Variants in RND3 observed in about 807,000 individuals in gnomAD.
RND3 encodes the protein rho-related GTP-binding protein RhoE.
A neutral mutation model predicts 26.5 loss-of-function variants in RND3; 8 were observed. The ratio of observed to expected loss-of-function variants is 0.30; its 90% CI spans 0.18 to 0.54. The LOEUF is 0.54. RND3 is among the 20% of genes least tolerant of loss of function. The probability of loss-of-function intolerance (pLI) is 0.94; values close to 1 mark genes in which losing one functional copy is unlikely to be tolerated. For synonymous variants in RND3, 113 were observed against 113.0 expected (o/e 1.00, Z 0.00); for missense variants, 207 against 302.8 (o/e 0.68, Z 2.35).
intron 5 of RND3, 30 bp from the exon 6 acceptor site, chr2:150,470,268 G>A (rs1686065429): frequency 6.3e-7 from 1 of 1,598,830 alleles, no homozygotes; most frequent in Admixed American, 1.7e-5. Flanking sequence ...ATTTTAACCA[G>A]CAATAAGACT....
At chr2:150,478,036 T>TAAA (rs1236167627) in intron 3 of RND3, among the ~76,000 whole-genome samples, 2 of 152,174 alleles carry the variant, frequency 1.3e-5, no homozygotes, top group African/African-American at 2.4e-5. Context: ...CAAGACCATT[T>TAAA]ATTCACTATA....
intron 3 of RND3, among the ~76,000 whole-genome samples, chr2:150,481,504 A>G (rs1488152420): frequency 6.6e-6 from 1 of 152,122 alleles, no homozygotes; most frequent in Non-Finnish European, 1.5e-5. Flanking sequence ...GGAAAGCCTG[A>G]ATATTTTAAA....
In RND3 at chr2:150,470,196, C is replaced by T. The variant is rs536121901; in HGVS notation, c.526G>A (p.Glu176Lys). Residue 176 changes from glutamate (E) to lysine (K), a missense_variant, in exon 6 of 6, where the codon GAA becomes AAA. Transcript: ENST00000263895. ...TTTTCCGACTGTAAAGCTGAGCATT[C>T]GATATAAGTAGCTGCTCCAATCTGT... ...AKQIGAATYIECSALQSENSV... is the reference protein window; with the variant it reads ...AKQIGAATYIKCSALQSENSV... The T allele has an allele frequency of 1.2e-6, 2 of 1,613,870 alleles. No individual in the cohort carries two copies. Among genetic ancestry groups the T allele is most frequent in the East Asian group, 2.2e-5 (1 of 44,868 alleles).
intron 4 of RND3, among the ~76,000 whole-genome samples, chr2:150,474,406 C>G (rs571839556): frequency 1.3e-5 from 2 of 152,306 alleles, no homozygotes; most frequent in East Asian, 1.9e-4. Flanking sequence ...GGACACATCC[C>G]TATTCCTCCT....
chr2:150,472,846 A>G (rs1390095421), intron 4 of RND3, among the ~76,000 whole-genome samples: 1 of 152,192 alleles, frequency 6.6e-6, no homozygotes, highest in Non-Finnish European at 1.5e-5. Flanking sequence ...ACATCCTGCA[A>G]GAATAACTTA....
Position 150,468,256 on chromosome 2 carries a change from C to T in RND3, c.*1731G>A, listed in dbSNP as rs1055365895. 5.3e-5 allele frequency: 8 copies of T among 152,346 alleles called. No individual in the cohort carries two copies. The highest frequency in any genetic ancestry group is 1.3e-4 in the Admixed American group (2 of 15,236). The allele number at this position is 152,346 out of a possible 1,614,324, so 9.4% of individuals were successfully genotyped here. A position where few individuals can be genotyped will look rare whatever the true frequency, so the allele number is the denominator to read the frequency against. On this transcript the variant is annotated 3_prime_UTR_variant, in exon 6 of 6. Transcript: ENST00000263895. ...AAAAAAAAGTATGTTTTAATAAATA[C>T]TGCGGAAACATTGACCAAACAAACA...
In RND3 at chr2:150,487,310, T is replaced by C; in HGVS notation, c.108A>G (p.Lys36=). The C allele has an allele frequency of 1.9e-6, 3 of 1,604,314 alleles. No individual in the cohort carries two copies. The highest frequency in any genetic ancestry group is 2.6e-6 in the Non-Finnish European group (3 of 1,174,938). The change falls in exon 2 of 6, where the codon AAA becomes AAG. Residue 36 remains lysine, a synonymous_variant. Coordinates refer to ENST00000263895, the MANE Select transcript of RND3 (RefSeq NM_005168.5). ...TGGCGAAGACATGGAGCAGCGCAGT[T>C]TTTCCACACTGACTGTCTCCCACCA... ...IVVVGDSQCG[K]TALLHVFAKD... is the part of the protein sequence containing the mutation.
Position 150,486,587 on chromosome 2 carries a change from T to G in RND3, c.238+107A>C. The G allele has an allele frequency of 1.2e-6, 1 of 838,394 alleles. No individual in the cohort carries two copies. Among genetic ancestry groups the G allele is most frequent in the Admixed American group, 1.7e-5 (1 of 58,724 alleles). 51.9% of individuals were successfully genotyped at this position (838,394 alleles called of 1,614,324 possible). On this transcript the variant is annotated intron_variant, in intron 3 of 5. Coordinates refer to ENST00000263895, the MANE Select transcript of RND3 (RefSeq NM_005168.5). This position sits in a 1 kb window ranked among gnomAD's most constrained non-coding sequence, Gnocchi z 4.5. ...CCCAACAGGGACCGTGGGAATCCCTTGGGAGGGGCGCAGACGGCTTGTAGC... is the reference window on the plus strand; with the variant it reads ...CCCAACAGGGACCGTGGGAATCCCTGGGGAGGGGCGCAGACGGCTTGTAGC...
chr2:150,476,371 G>A (rs1056497838), intron 3 of RND3, among the ~76,000 whole-genome samples: 1 of 152,140 alleles, frequency 6.6e-6, no homozygotes. Context: ...ATAGTCAGGG[G>A]GCATCGCCCT....
At chr2:150,472,800 G>A (rs1291432606) in intron 4 of RND3, among the ~76,000 whole-genome samples, 1 of 152,132 alleles carries the variant, frequency 6.6e-6, no homozygotes, top group African/African-American at 2.4e-5. Context: ...TGGGGGTGAT[G>A]AAGTCATGTA....
intron 3 of RND3, among the ~76,000 whole-genome samples, chr2:150,480,173 A>G (rs1228948498): frequency 6.6e-6 from 1 of 152,206 alleles, no homozygotes; most frequent in Non-Finnish European, 1.5e-5. Context: ...CCTAAAAGTA[A>G]ATAGGGATAA....
At chr2:150,483,100 A>C (rs1686303638) in intron 3 of RND3, among the ~76,000 whole-genome samples, 2 of 152,164 alleles carry the variant, frequency 1.3e-5, no homozygotes, top group South Asian at 4.1e-4. Flanking sequence ...AAAAGCAGGA[A>C]ATTATTTTTT....
At chr2:150,481,864 C>G (rs997366303) in intron 3 of RND3, among the ~76,000 whole-genome samples, 3 of 152,024 alleles carry the variant, frequency 2.0e-5, no homozygotes, top group Non-Finnish European at 4.4e-5. Context: ...AGCTTGTCAC[C>G]AAGACCATTC....
chr2:150,470,759 T>C (rs752122098), intron 5 of RND3, among the ~76,000 whole-genome samples: 2 of 152,222 alleles, frequency 1.3e-5, no homozygotes, highest in Non-Finnish European at 2.9e-5. Context: ...GCCGTGGCGA[T>C]GTGGCCTTGA....
intron 5 of RND3, among the ~76,000 whole-genome samples, chr2:150,471,071 C>G (rs923123726): frequency 6.6e-6 from 1 of 152,070 alleles, no homozygotes; most frequent in Non-Finnish European, 1.5e-5. Context: ...ATTTAAAATA[C>G]CAAATTTTTT....
chr2:150,476,047 C>T (rs1395348550), intron 3 of RND3, among the ~76,000 whole-genome samples: 2 of 152,116 alleles, frequency 1.3e-5, no homozygotes, highest in African/African-American at 4.8e-5. Context: ...AATCATTTTC[C>T]GTATGCTGAC....
chr2:150,469,753 T>C lies in RND3; in HGVS notation c.*234A>G. Reference sequence around the variant, plus strand: ...CTAGCTCATTTGTATCTCTCATTTTTTGGCATATTTTTCAAGTCACACTTA... The same window carrying C: ...CTAGCTCATTTGTATCTCTCATTTTCTGGCATATTTTTCAAGTCACACTTA... On this transcript the variant is annotated 3_prime_UTR_variant, in exon 6 of 6. Transcript: ENST00000263895. The C allele has an allele frequency of 2.0e-6, 1 of 510,246 alleles. No homozygotes were observed. Among genetic ancestry groups the C allele is most frequent in the East Asian group, 3.2e-5 (1 of 31,712 alleles). 31.6% of individuals were successfully genotyped at this position (510,246 alleles called of 1,614,324 possible). A position where few individuals can be genotyped will look rare whatever the true frequency, so the allele number is the denominator to read the frequency against.
At position 150,487,474 on chromosome 2, in the gene RND3, A is replaced by AAAAAATATATATATATATATAT; in HGVS notation, c.-38-20_-38-19insATATATATATATATATATTTTT. ...ATTTTCTCTTAAGAAGAAAAAAAAA[A>AAAAAATATATATATATATATAT]ATATATATATATATATATATTTCTC... On this transcript the variant is annotated intron_variant, in intron 1 of 5. Coordinates refer to ENST00000263895, the MANE Select transcript of RND3 (RefSeq NM_005168.5). The AAAAAATATATATATATATATAT allele has an allele frequency of 6.0e-4, 121 of 200,744 alleles. No individual in the cohort carries two copies. The highest frequency in any genetic ancestry group is 8.6e-4 in the Non-Finnish European group (99 of 114,622). 12.4% of individuals were successfully genotyped at this position (200,744 alleles called of 1,614,324 possible). A position where few individuals can be genotyped will look rare whatever the true frequency, so the allele number is the denominator to read the frequency against.
At position 150,471,624 on chromosome 2, in the gene RND3, T is replaced by C; in HGVS notation, c.483+3A>G. ...CAGTTTTGCACATGGGCAACATACATACCTGGTCATAGGACACTGGCGTCT... is the reference window on the plus strand; with the variant it reads ...CAGTTTTGCACATGGGCAACATACACACCTGGTCATAGGACACTGGCGTCT... On this transcript the variant is annotated splice_donor_region_variant and intron_variant, in intron 5 of 5. Coordinates refer to ENST00000263895, the MANE Select transcript of RND3 (RefSeq NM_005168.5). The C allele has an allele frequency of 6.2e-7, 1 of 1,607,196 alleles. No individual in the cohort carries two copies. Among genetic ancestry groups the C allele is most frequent in the Non-Finnish European group, 8.5e-7 (1 of 1,177,554 alleles).
Sources: allele counts gnomAD v4.1 joint callset (sites outside exome capture counted in the v4.1 genomes callset), GRCh38; gene constraint gnomAD v4.1.1; non-coding constraint Gnocchi (gnomAD v3.1); transcripts MANE v1.5; gene names NCBI Gene and HGNC (gene_info 2026-07-23, HGNC 2026-07-21).